The following INTS1 variants were observed in gnomAD, a reference collection of about 807,000 sequenced individuals.
INTS1 encodes integrator complex subunit 1.
A neutral mutation model predicts 241.6 loss-of-function variants in INTS1; 137 were observed. The observed-to-expected ratio is 0.57, with a 90% CI of 0.49 to 0.65. The LOEUF is 0.65. INTS1 is among the 30% of genes least tolerant of loss of function. The pLI, the probability that INTS1 is intolerant of heterozygous loss-of-function variation, is 0.00. For missense variants in INTS1, 3,073 were observed against 3,032.2 expected (o/e 1.01, Z -0.32); for synonymous variants, 1,692 against 1,337.8 (o/e 1.26, Z -5.78).
At chr7:1,490,119 ACATGCAGAG>A (rs1782476394) in intron 16 of INTS1, among the ~76,000 whole-genome samples, 1 of 152,198 alleles carries the variant, frequency 6.6e-6, no homozygotes, top group Non-Finnish European at 1.5e-5. Context: ...GCCTGGAGCC[ACATGCAGAG>A]GCTGCTGAGT....
At position 1,481,125 on chromosome 7, in the gene INTS1, G is replaced by A. The variant is rs1050354114; in HGVS notation, c.3851-192C>T. Reference sequence around the variant, plus strand: ...TCCAAGCTCAAAACACGGCCCTAGGGGGTGCCTGGCCCCAGGGTTGGGGCA... The same window carrying A: ...TCCAAGCTCAAAACACGGCCCTAGGAGGTGCCTGGCCCCAGGGTTGGGGCA... On this transcript the variant is annotated intron_variant, in intron 28 of 47. Coordinates refer to ENST00000404767, the MANE Select transcript of INTS1 (RefSeq NM_001080453.3). This position sits in a 1 kb window ranked among gnomAD's most constrained non-coding sequence, Gnocchi z 6.8. The A allele has an allele frequency of 2.8e-6, 2 of 707,254 alleles. No homozygotes were observed. The highest frequency in any genetic ancestry group is 4.9e-6 in the Non-Finnish European group (2 of 409,162). The allele number at this position is 707,254 out of a possible 1,614,324, so 43.8% of individuals were successfully genotyped here.
chr7:1,480,184 C>T (rs865798191), intron 30 of INTS1, 133 bp downstream of exon 30: 7 of 1,062,576 alleles, frequency 6.6e-6, no homozygotes, highest in African/African-American at 1.6e-5. Context: ...GTGTAAAGGC[C>T]GCTGTGCGTG....
At chr7:1,475,808 G>A in intron 39 of INTS1, 140 bp downstream of exon 39, 1 of 1,083,938 alleles carries the variant, frequency 9.2e-7, no homozygotes, top group African/African-American at 1.6e-5. Context: ...CAAACCCACA[G>A]GGCCACAGGG....
rs763439676 is a variant in INTS1 at position 1,499,074 on chromosome 7, G to A, written c.1038C>T (p.Val346=). The change falls in exon 8 of 48, where the codon GTC becomes GTT. Residue 346 remains valine, a synonymous_variant. Transcript: ENST00000404767. ...QLNRRQPIDN[V]SRNLLRLLTS... ...TGAGGAGCCGCAGGAGGTTCCTGGA[G>A]ACGTTGTCGATGGGCTGGCGCCGGT... The A allele has an allele frequency of 3.7e-6, 6 of 1,608,112 alleles. No individual in the cohort carries two copies. Among genetic ancestry groups the A allele is most frequent in the East Asian group, 4.5e-5 (2 of 44,756 alleles).
rs974849061 is a variant in INTS1 at position 1,471,752 on chromosome 7, C to T, written c.6185-111G>A. The T allele has an allele frequency of 1.0e-5, 10 of 985,512 alleles. No homozygotes were observed. The African/African-American group carries it at 1.6e-4, about 16-fold the overall frequency. 61.0% of individuals were successfully genotyped at this position (985,512 alleles called of 1,614,324 possible). A position where few individuals can be genotyped will look rare whatever the true frequency, so the allele number is the denominator to read the frequency against. On this transcript the variant is annotated intron_variant, in intron 44 of 47. Coordinates refer to ENST00000404767, the MANE Select transcript of INTS1 (RefSeq NM_001080453.3). ...GCCCCGAGCACCACAGGACAGAAAGCACTGGAAAGCATGAGCCCAGTGACG... is the reference window on the plus strand; with the variant it reads ...GCCCCGAGCACCACAGGACAGAAAGTACTGGAAAGCATGAGCCCAGTGACG...
chr7:1,503,219 G>A, intron 2 of INTS1, 28 bp from the exon 3 acceptor site: 4 of 1,514,654 alleles, frequency 2.6e-6, no homozygotes, highest in Non-Finnish European at 3.5e-6. Flanking sequence ...AGAAAACCGG[G>A]CACATTTGCA....
Position 1,473,108 on chromosome 7 carries a change from C to T in INTS1, c.6034G>A (p.Asp2012Asn), listed in dbSNP as rs778247472. The T allele has an allele frequency of 5.0e-6, 8 of 1,611,772 alleles. No homozygotes were observed. Among genetic ancestry groups the T allele is most frequent in the East Asian group, 2.2e-5 (1 of 44,854 alleles). Residue 2012 changes from aspartate (D) to asparagine (N), a missense_variant, in exon 43 of 48, where the codon GAC (aspartate) becomes AAC (asparagine). By Grantham distance (23) the Asp-to-Asn change is conservative. Coordinates refer to ENST00000404767, the MANE Select transcript of INTS1 (RefSeq NM_001080453.3). Reference protein sequence around the residue: ...LAGLSLPSRDDRTDRGLDEEG... With the variant: ...LAGLSLPSRDNRTDRGLDEEG... Reference sequence around the variant, plus strand: ...TCGTCCAGGCCTCGGTCGGTCCTGTCGTCCCTGCTGGGCAGGCTGAGCCCT... The same window carrying T: ...TCGTCCAGGCCTCGGTCGGTCCTGTTGTCCCTGCTGGGCAGGCTGAGCCCT...
In INTS1 at chr7:1,485,341, G is replaced by A. The variant is rs561489045; in HGVS notation, c.3105C>T (p.Arg1035=). The stretch of plus-strand genomic sequence containing the variant: ...TCCTGACGCTGTCGAACAGAGGCAG[G>A]CGAGGCAGGTCCCGCAGCAGCCACT... ...GYQWLLRDLP[R]LPLFDSVRST... Residue 1035 remains arginine, a synonymous_variant, in exon 23 of 48, where the codon CGC becomes CGT. Coordinates refer to ENST00000404767, the MANE Select transcript of INTS1 (RefSeq NM_001080453.3). The A allele has an allele frequency of 8.5e-5, 137 of 1,612,054 alleles. No homozygotes were observed. The South Asian group carries it at 1.4e-3, about 17-fold the overall frequency.
chr7:1,470,570 C>T lies in INTS1; in HGVS notation c.*7G>A, dbSNP rs1781409450. The T allele has an allele frequency of 1.9e-6, 3 of 1,546,174 alleles. No individual in the cohort carries two copies. In the Admixed American group the frequency reaches 5.9e-5, roughly 30 times the overall value. On this transcript the variant is annotated 3_prime_UTR_variant, in exon 48 of 48. Transcript: ENST00000404767. The stretch of plus-strand genomic sequence containing the variant: ...CGGGGCTTGGAGGGGGGTCGGCTGC[C>T]ACAGGCTCACATCACGGCCTCCATA...
intron 39 of INTS1, 24 bp from the exon 40 acceptor site, chr7:1,474,862 C>A: frequency 6.4e-7 from 1 of 1,563,066 alleles, no homozygotes; most frequent in Non-Finnish European, 8.7e-7. Context: ...CGCTCTGAGG[C>A]CGGGGCCGCT....
chr7:1,501,558 A>T (rs1437951191), intron 3 of INTS1, among the ~76,000 whole-genome samples: 3 of 152,136 alleles, frequency 2.0e-5, no homozygotes, highest in Non-Finnish European at 2.9e-5. Flanking sequence ...GCTTTTCATA[A>T]CCACGTCTCC....
Position 1,480,387 on chromosome 7 carries a change from C to G in INTS1, c.4004G>C (p.Gly1335Ala). ...GAGCTGGGTCCCCACCCGAATCCGG[C>G]CCTGGCCTATGGGCTGCTCTGGGCT... The part of the protein sequence containing the change: ...KSSPEQPIGQ[G>A]RIRVGTQLRV... The change falls in exon 30 of 48, where the codon GGC becomes GCC. Residue 1335 changes from glycine (G) to alanine (A), a missense_variant. Physicochemically the swap from Gly to Ala is moderately conservative, Grantham distance 60 (BLOSUM62 0). Transcript: ENST00000404767. 6.2e-7 allele frequency: 1 copy of G among 1,613,054 alleles called. No individual in the cohort carries two copies. Among genetic ancestry groups the G allele is most frequent in the African/African-American group, 1.3e-5 (1 of 75,062 alleles).
At chr7:1,494,279 A>T (rs944884598) in intron 14 of INTS1, among the ~76,000 whole-genome samples, 3 of 152,178 alleles carry the variant, frequency 2.0e-5, no homozygotes, top group African/African-American at 7.2e-5. Context: ...TACACCTCCA[A>T]AGCCTGACCG....
chr7:1,498,599 C>T (rs1302196146), intron 9 of INTS1, 46 bp from the exon 10 acceptor site: 2 of 1,597,132 alleles, frequency 1.3e-6, no homozygotes, highest in African/African-American at 1.5e-5. Flanking sequence ...ACGCCTGTGC[C>T]CCCACTCCGC....
chr7:1,471,741 A>C, intron 44 of INTS1, 100 bp from the exon 45 acceptor site: 2 of 1,099,848 alleles, frequency 1.8e-6, no homozygotes, highest in Non-Finnish European at 2.7e-6. Context: ...CGAGCACCAC[A>C]GGACAGAAAG....
rs1783261075 is a variant in INTS1 at position 1,502,882 on chromosome 7, A to G, written c.349+19T>C. The G allele has an allele frequency of 6.2e-7, 1 of 1,612,592 alleles. No individual in the cohort carries two copies. The highest frequency in any genetic ancestry group is 1.3e-5 in the African/African-American group (1 of 74,840). ...ATGAGCTGAGGGGTGTTCTCGGGGGATGTCCACAGACTCATTACCTTCAAT... is the reference window on the plus strand; with the variant it reads ...ATGAGCTGAGGGGTGTTCTCGGGGGGTGTCCACAGACTCATTACCTTCAAT... On this transcript the variant is annotated intron_variant, in intron 3 of 47. Transcript: ENST00000404767.
At position 1,481,754 on chromosome 7, in the gene INTS1, C is replaced by A. The variant is rs1782009510; in HGVS notation, c.3704-266G>T. 2.0e-5 allele frequency among the ~76,000 whole-genome samples: 3 copies of A among 148,940 alleles called. No individual in the cohort carries two copies. Among genetic ancestry groups the A allele is most frequent in the Admixed American group, 2.0e-4 (3 of 14,986 alleles). On this transcript the variant is annotated intron_variant, in intron 27 of 47. Transcript: ENST00000404767. The surrounding 1 kb of genome is among the most constrained non-coding windows in gnomAD (Gnocchi z 6.8). Reference sequence around the variant, plus strand: ...GCCCCACCCGAGACCTGGGGCAGTGCACACTCGGCAGCCCCACCTGAGACC... The same window carrying A: ...GCCCCACCCGAGACCTGGGGCAGTGAACACTCGGCAGCCCCACCTGAGACC...
intron 17 of INTS1, 70 bp from the exon 18 acceptor site, chr7:1,489,474 C>T: frequency 6.4e-7 from 1 of 1,556,258 alleles, no homozygotes; most frequent in Non-Finnish European, 8.7e-7. Context: ...CCGCTTCTCC[C>T]AGCTCCTCCT....
chr7:1,482,750 G>T, intron 26 of INTS1, 43 bp from the exon 27 acceptor site: 2 of 1,599,200 alleles, frequency 1.3e-6, no homozygotes, highest in Non-Finnish European at 1.7e-6. Context: ...GACCCACCGG[G>T]GCCCAGCCCC....
Sources: gnomAD v4.1 joint callset for allele counts (sites outside exome capture counted in the v4.1 genomes callset) on GRCh38, gnomAD v4.1.1 for gene constraint, Gnocchi (gnomAD v3.1) non-coding constraint, MANE v1.5 for transcripts, NCBI Gene and HGNC (gene_info 2026-07-23, HGNC 2026-07-21) for gene names.